Variants in NAV3 observed in about 807,000 individuals in gnomAD.
NAV3 encodes the protein neuron navigator 3.
Under a neutral mutation model 244.7 loss-of-function variants are expected in NAV3, and 87 were observed. The observed-to-expected ratio is 0.36, with a 90% CI of 0.30 to 0.42. The LOEUF (loss-of-function observed/expected upper bound fraction) is 0.42. NAV3 is among the 20% of genes least tolerant of loss of function. The probability of loss-of-function intolerance (pLI) is 1.00; values close to 1 mark genes in which losing one functional copy is unlikely to be tolerated. For synonymous variants in NAV3, 1,126 were observed against 1,042.2 expected, an observed-to-expected ratio of 1.08 and a Z score of -1.55; for missense variants, 2,663 against 2,893.3, an observed-to-expected ratio of 0.92 and a Z score of 1.83.
intron 2 of NAV3, among the ~76,000 whole-genome samples, chr12:77,802,221 T>C (rs1475273553): frequency 6.6e-6 from 1 of 152,228 alleles, no homozygotes; most frequent in Non-Finnish European, 1.5e-5. Flanking sequence ...GTATATATTG[T>C]ATATATCACC....
chr12:77,958,695 T>A (rs1891595958), intron 3 of NAV3, among the ~76,000 whole-genome samples: 1 of 152,180 alleles, frequency 6.6e-6, no homozygotes, highest in Non-Finnish European at 1.5e-5. Context: ...TTTCATTTTA[T>A]TTTCATTACA....
intron 12 of NAV3, among the ~76,000 whole-genome samples, chr12:78,090,233 TTA>T (rs956181111): frequency 8.9e-5 from 13 of 146,792 alleles, no homozygotes; most frequent in African/African-American, 2.5e-4. Context: ...TAAAGTTGAA[TTA>T]TATATATATA....
At chr12:77,773,107 C>T (rs1222353288) in intron 2 of NAV3, among the ~76,000 whole-genome samples, 1 of 152,172 alleles carries the variant, frequency 6.6e-6, no homozygotes, top group Non-Finnish European at 1.5e-5. Flanking sequence ...TTCATGACAT[C>T]ATTCTGTGAG....
chr12:78,081,042 G>T (rs778083491), intron 12 of NAV3, among the ~76,000 whole-genome samples: 11 of 152,126 alleles, frequency 7.2e-5, no homozygotes, highest in Admixed American at 5.2e-4. Context: ...CATAAGACAG[G>T]AAATAGAGAA....
intron 5 of NAV3, among the ~76,000 whole-genome samples, chr12:77,977,768 T>C (rs1868779452): frequency 6.6e-6 from 1 of 151,602 alleles, no homozygotes; most frequent in African/African-American, 2.4e-5. Flanking sequence ...TAATATACTC[T>C]GATTCTTCCC....
chr12:77,961,253 T>C (rs923220176), intron 3 of NAV3, among the ~76,000 whole-genome samples: 3 of 134,386 alleles, frequency 2.2e-5, no homozygotes, highest in African/African-American at 5.2e-5. Flanking sequence ...AGTATTAAAG[T>C]ATATGTCATA....
At chr12:77,685,551 T>C (rs1230056544) in intron 2 of NAV3, among the ~76,000 whole-genome samples, 12 of 151,566 alleles carry the variant, frequency 7.9e-5, no homozygotes, top group Non-Finnish European at 1.8e-4. Flanking sequence ...TTTATATCTT[T>C]TTGCTTCCTA....
At chr12:77,583,982 A>G (rs1215420524) in intron 2 of NAV3, among the ~76,000 whole-genome samples, 4 of 152,082 alleles carry the variant, frequency 2.6e-5, no homozygotes, top group Non-Finnish European at 2.9e-5. Context: ...TTCTGCCTGG[A>G]ATACTCATTG....
intron 20 of NAV3, among the ~76,000 whole-genome samples, chr12:78,143,808 T>A (rs1456185344): frequency 1.3e-5 from 2 of 152,172 alleles, no homozygotes; most frequent in Non-Finnish European, 2.9e-5. Context: ...GAAATTCCTC[T>A]GGGTTTTCAG....
At chr12:77,994,705 T>C in intron 5 of NAV3, 98 bp from the exon 6 acceptor site, 3 of 901,382 alleles carry the variant, frequency 3.3e-6, no homozygotes, top group Non-Finnish European at 5.3e-6. Context: ...CGTGTTCCAA[T>C]TGCATTTCAT....
intron 2 of NAV3, among the ~76,000 whole-genome samples, chr12:77,802,889 G>C (rs147813792): frequency 0.015 from 2,251 of 152,102 alleles, 50 homozygotes; most frequent in East Asian, 0.077. Context: ...GGATGGTCTC[G>C]ATCTCCTGAC....
At chr12:77,803,902 GT>G (rs1431377543) in intron 2 of NAV3, among the ~76,000 whole-genome samples, 3 of 152,082 alleles carry the variant, frequency 2.0e-5, no homozygotes, top group African/African-American at 7.2e-5. Context: ...CTTTTCATAT[GT>G]TTTTTGGCCA....
intron 8 of NAV3, among the ~76,000 whole-genome samples, chr12:78,008,944 T>C (rs988634705): frequency 6.6e-6 from 1 of 152,202 alleles, no homozygotes; most frequent in East Asian, 1.9e-4. Context: ...AAGTTTTAAA[T>C]ATGTCATACT....
chr12:77,637,034 A>G (rs1872189084), intron 2 of NAV3, among the ~76,000 whole-genome samples: 1 of 152,094 alleles, frequency 6.6e-6, no homozygotes, highest in Non-Finnish European at 1.5e-5. Context: ...AGAAATACCT[A>G]ATATAGATGA....
In NAV3 at chr12:78,051,056, C is replaced by T. The variant is rs745756418; in HGVS notation, c.2425C>T (p.Leu809=). ...CATGAGTGAGAAAGCAAGCAGTGAC[C>T]TGGACATGTCTTCTGAGGTCGATGT... The part of the protein sequence containing the change: ...IDMSEKASSD[L]DMSSEVDVGG... The change falls in exon 11 of 40, where the codon CTG becomes TTG. Residue 809 remains leucine (L), a synonymous_variant. Transcript: ENST00000397909. 2.5e-6 allele frequency: 4 copies of T among 1,614,072 alleles called. No homozygotes were observed. Among genetic ancestry groups the T allele is most frequent in the Admixed American group, 1.7e-5 (1 of 59,996 alleles).
rs752247816 is a variant in NAV3 at position 78,007,249 on chromosome 12, A to G, written c.1711A>G (p.Met571Val). 29 of 1,614,064 alleles carry G rather than the reference A, an allele frequency of 1.8e-5. No homozygotes were observed. The Admixed American group carries it at 3.8e-4, about 21-fold the overall frequency. Residue 571 changes from methionine (M) to valine (V), a missense_variant, in exon 8 of 40, where the codon ATG becomes GTG. Met to Val is a conservative substitution (Grantham distance 21, BLOSUM62 1). Around this residue, in one of 6 missense-constraint regions of NAV3, gnomAD observed 1,521 missense variants for 1,497.0 expected, o/e 1.02. Coordinates refer to ENST00000397909, the MANE Select transcript of NAV3 (RefSeq NM_001024383.2). The part of the protein sequence containing the change: ...PSQSLSKPIT[M>V]EKASASSCPA... ...CCAGTCCTTATCTAAGCCTATAACC[A>G]TGGAGAAAGCAAGTGCTTCTAGTTG...
At chr12:78,204,581 C>A (rs933773016) in intron 38 of NAV3, among the ~76,000 whole-genome samples, 1 of 151,952 alleles carries the variant, frequency 6.6e-6, no homozygotes, top group Admixed American at 6.6e-5. Flanking sequence ...TAAAATCTTC[C>A]ATAATTGAAG....
intron 2 of NAV3, among the ~76,000 whole-genome samples, chr12:77,738,363 T>C (rs1172169128): frequency 3.9e-5 from 6 of 152,240 alleles, no homozygotes; most frequent in African/African-American, 1.4e-4. Context: ...CAGCATCTTC[T>C]TCACAGGGTT....
intron 2 of NAV3, among the ~76,000 whole-genome samples, chr12:77,781,617 C>G (rs1020901678): frequency 6.6e-6 from 1 of 152,092 alleles, no homozygotes. Context: ...CCAAGATGTA[C>G]CCGACCACCT....
Sources: gnomAD v4.1 joint callset for allele counts (sites outside exome capture counted in the v4.1 genomes callset) on GRCh38, gnomAD v4.1.1 for gene constraint, gnomAD v4.1.1 regional missense constraint, MANE v1.5 for transcripts, NCBI Gene and HGNC (gene_info 2026-07-23, HGNC 2026-07-21) for gene names.